CHCHD3: variants seen among roughly 807,000 people sequenced by gnomAD.
CHCHD3 encodes coiled-coil-helix-coiled-coil-helix domain containing 3.
Under a neutral mutation model 38.2 loss-of-function variants are expected in CHCHD3, and 20 were observed. That is an observed-to-expected ratio of 0.52 (90% CI 0.37 to 0.76). The LOEUF (loss-of-function observed/expected upper bound fraction) is 0.76, where lower values mean the gene tolerates loss of function less well. Ranked by LOEUF, CHCHD3 falls within the 30% of genes least tolerant of loss-of-function variation. The probability of loss-of-function intolerance (pLI) is 0.00; values close to 1 mark genes in which losing one functional copy is unlikely to be tolerated. For missense variants in CHCHD3, 245 were observed against 279.2 expected (o/e 0.88, Z 0.87); for synonymous variants, 82 against 100.0 (o/e 0.82, Z 1.07).
At chr7:132,913,290 T>C (rs994124668) in intron 4 of CHCHD3, among the ~76,000 whole-genome samples, 1 of 152,120 alleles carries the variant, frequency 6.6e-6, no homozygotes, top group African/African-American at 2.4e-5. Flanking sequence ...CAAAGTCAAA[T>C]GGGGAGACAA....
At chr7:132,796,753 A>T (rs1192504622) in intron 6 of CHCHD3, among the ~76,000 whole-genome samples, 176 bp from the exon 7 acceptor site, 3 of 152,220 alleles carry the variant, frequency 2.0e-5, no homozygotes, top group African/African-American at 7.2e-5. Flanking sequence ...CATGATAAAA[A>T]TGACAAAGGG....
chr7:132,820,611 G>GTTTTTTTTT (rs748470167), intron 6 of CHCHD3, among the ~76,000 whole-genome samples: 1 of 96,186 alleles, frequency 1.0e-5, no homozygotes, highest in African/African-American at 3.9e-5. Flanking sequence ...ATGTGCTAGT[G>GTTTTTTTTT]TTTTTTTTTT....
At chr7:132,926,814 A>C (rs905523279) in intron 4 of CHCHD3, among the ~76,000 whole-genome samples, 1 of 152,178 alleles carries the variant, frequency 6.6e-6, no homozygotes, top group Non-Finnish European at 1.5e-5. Flanking sequence ...TATTGTTTTT[A>C]ATGTGTATTT....
At chr7:132,996,339 A>G (rs1812415337) in intron 3 of CHCHD3, among the ~76,000 whole-genome samples, 1 of 152,228 alleles carries the variant, frequency 6.6e-6, no homozygotes, top group African/African-American at 2.4e-5. Flanking sequence ...ACAACTGGCT[A>G]CCAGGTGACC....
At chr7:133,025,345 A>G (rs867464057) in intron 2 of CHCHD3, among the ~76,000 whole-genome samples, 16 of 152,308 alleles carry the variant, frequency 1.1e-4, no homozygotes, top group South Asian at 6.2e-4. Flanking sequence ...AAAATGGACA[A>G]ATTTCACACA....
Position 132,928,899 on chromosome 7 carries a change from T to G in CHCHD3, c.370-43154A>C, listed in dbSNP as rs151254765. Reference sequence around the variant, plus strand: ...CTCTTTCCAAGGACTATTTCTACCCTCGAACCTACTCCCTCCTCAAATCCT... The same window carrying G: ...CTCTTTCCAAGGACTATTTCTACCCGCGAACCTACTCCCTCCTCAAATCCT... On this transcript the variant is annotated intron_variant, in intron 4 of 7. Transcript: ENST00000262570. Among the ~76,000 whole-genome samples, 521 of 152,212 alleles carry G rather than the reference T, an allele frequency of 3.4e-3. 1 individual carries two copies. Among genetic ancestry groups the G allele is most frequent in the African/African-American group, 0.012 (499 of 41,546 alleles).
chr7:132,871,767 C>T (rs1218747640), intron 5 of CHCHD3, among the ~76,000 whole-genome samples: 1 of 152,124 alleles, frequency 6.6e-6, no homozygotes, highest in African/African-American at 2.4e-5. Context: ...CTGTGTGTCA[C>T]AGGTACCTAC....
intron 4 of CHCHD3, among the ~76,000 whole-genome samples, chr7:132,901,550 C>A (rs1809667539): frequency 6.6e-6 from 1 of 152,186 alleles, no homozygotes; most frequent in Non-Finnish European, 1.5e-5. Flanking sequence ...TAGCTTTGTT[C>A]TTCTCTGATG....
At chr7:132,966,766 A>G (rs896673317) in intron 4 of CHCHD3, among the ~76,000 whole-genome samples, 2 of 152,218 alleles carry the variant, frequency 1.3e-5, no homozygotes, top group Non-Finnish European at 2.9e-5. Context: ...TTCAAAACAT[A>G]ATGTGCAAAA....
At chr7:132,854,321 G>C (rs1465038689) in intron 5 of CHCHD3, among the ~76,000 whole-genome samples, 7 of 152,158 alleles carry the variant, frequency 4.6e-5, no homozygotes, top group African/African-American at 1.7e-4. Flanking sequence ...TGATAGGGCT[G>C]CTTAGACTTT....
intron 5 of CHCHD3, chr7:132,845,192 A>G (rs1246229188): frequency 2.6e-5 from 4 of 152,320 alleles, no homozygotes; most frequent in African/African-American, 7.2e-5. Flanking sequence ...AAACAGGACT[A>G]GTGTAACAAT....
At chr7:132,853,052 C>A (rs1252718591) in intron 5 of CHCHD3, among the ~76,000 whole-genome samples, 2 of 152,114 alleles carry the variant, frequency 1.3e-5, no homozygotes, top group Non-Finnish European at 1.5e-5. Flanking sequence ...AATCTATTTG[C>A]TCAAAAGTAA....
At chr7:132,905,544 G>A (rs1325749125) in intron 4 of CHCHD3, among the ~76,000 whole-genome samples, 10 of 151,548 alleles carry the variant, frequency 6.6e-5, no homozygotes, top group African/African-American at 2.4e-4. Flanking sequence ...GTTTACCTAC[G>A]TAACAAACCT....
At chr7:132,993,171 C>T (rs970508183) in intron 3 of CHCHD3, among the ~76,000 whole-genome samples, 2 of 152,158 alleles carry the variant, frequency 1.3e-5, no homozygotes, top group African/African-American at 4.8e-5. Flanking sequence ...ACTAGGTGTG[C>T]ATGTTTTCTC....
At chr7:132,963,206 T>C (rs1232458036) in intron 4 of CHCHD3, among the ~76,000 whole-genome samples, 2 of 149,346 alleles carry the variant, frequency 1.3e-5, no homozygotes, top group East Asian at 1.9e-4. Context: ...TAAAGTGTGG[T>C]AAATGCCTAA....
intron 2 of CHCHD3, among the ~76,000 whole-genome samples, chr7:133,040,373 T>C (rs1459886369): frequency 1.3e-5 from 2 of 152,112 alleles, no homozygotes; most frequent in Non-Finnish European, 2.9e-5. Flanking sequence ...TAGCTGACCT[T>C]TCTCTTCCCG....
In CHCHD3 at chr7:132,827,228, G is replaced by A. The variant is rs542662036; in HGVS notation, c.524+11171C>T. ...GTGTTTTAGGTATAATTAACACACA[G>A]GTTGAGTATCCTTTATTTGAAATGC... On this transcript the variant is annotated intron_variant, in intron 6 of 7. Coordinates refer to ENST00000262570, the MANE Select transcript of CHCHD3 (RefSeq NM_017812.4). Among the ~76,000 whole-genome samples, 19 of 152,330 alleles carry A rather than the reference G, an allele frequency of 1.2e-4. 1 individual carries two copies. In the South Asian group the frequency reaches 2.1e-3, roughly 17 times the overall value.
At chr7:132,790,844 G>C (rs1342502900) in intron 7 of CHCHD3, among the ~76,000 whole-genome samples, 1 of 152,168 alleles carries the variant, frequency 6.6e-6, no homozygotes. Context: ...GCTAGCCAGG[G>C]GACTGGGGTC....
At chr7:132,830,123 T>G (rs747216738) in intron 6 of CHCHD3, among the ~76,000 whole-genome samples, 1 of 152,214 alleles carries the variant, frequency 6.6e-6, no homozygotes, top group Non-Finnish European at 1.5e-5. Flanking sequence ...CAGATCTGAT[T>G]TGAAGGGCTC....
Sources: allele counts gnomAD v4.1 joint callset (sites outside exome capture counted in the v4.1 genomes callset), GRCh38; gene constraint gnomAD v4.1.1; transcripts MANE v1.5; gene names NCBI Gene and HGNC (gene_info 2026-07-23, HGNC 2026-07-21).